Variants in CLASP2 observed in about 807,000 individuals in gnomAD.
CLASP2 encodes the protein cytoplasmic linker associated protein 2.
Under a neutral mutation model 194.4 loss-of-function variants are expected in CLASP2, and 47 were observed. That is an observed-to-expected ratio of 0.24 (90% CI 0.19 to 0.31). The LOEUF (loss-of-function observed/expected upper bound fraction) is 0.31, where lower values mean the gene tolerates loss of function less well. Among genes scored for constraint, CLASP2 ranks in the 10% least tolerant of loss-of-function variants. CLASP2 has a pLI of 1.00. For missense variants in CLASP2, 1,445 were observed against 1,823.6 expected, an observed-to-expected ratio of 0.79 and a Z score of 3.78; for synonymous variants, 619 against 633.5, an observed-to-expected ratio of 0.98 and a Z score of 0.34.
intron 21 of CLASP2, among the ~76,000 whole-genome samples, chr3:33,586,996 A>G (rs1167348657): frequency 3.3e-5 from 5 of 152,188 alleles, no homozygotes; most frequent in Admixed American, 3.3e-4. Flanking sequence ...AATAGTGGAT[A>G]GGTCTTGGGA....
intron 12 of CLASP2, among the ~76,000 whole-genome samples, chr3:33,616,161 T>C (rs2154271076): frequency 6.6e-6 from 1 of 152,108 alleles, no homozygotes; most frequent in East Asian, 1.9e-4. Context: ...TAAAAGAATG[T>C]ATAACATTCT....
intron 21 of CLASP2, among the ~76,000 whole-genome samples, chr3:33,591,821 T>A (rs530089090): frequency 1.9e-4 from 29 of 152,332 alleles, no homozygotes; most frequent in Admixed American, 8.5e-4. Flanking sequence ...GTTTCCTCAC[T>A]ATAAATTAGT....
intron 34 of CLASP2, among the ~76,000 whole-genome samples, chr3:33,533,904 A>C (rs2154132364): frequency 6.6e-6 from 1 of 152,102 alleles, no homozygotes; most frequent in Non-Finnish European, 1.5e-5. Flanking sequence ...TTTAGTAGAG[A>C]AGTTTTCACT....
In CLASP2 at chr3:33,514,761, T is replaced by C. The variant is rs1407981764; in HGVS notation, c.4110+1262A>G. ...AGCACAATTGGCAATTGCAAAAATA[T>C]GGAAATAGCCCAAATGCACATCAAT... On this transcript the variant is annotated intron_variant, in intron 36 of 38. Coordinates refer to ENST00000682230, the MANE Select transcript of CLASP2 (RefSeq NM_001365631.1). 1.2e-5 allele frequency: 3 copies of C among 243,078 alleles called. No individual in the cohort carries two copies. In the East Asian group the frequency reaches 2.7e-4, roughly 22 times the overall value. 15.1% of individuals were successfully genotyped at this position (243,078 alleles called of 1,614,324 possible). A position where few individuals can be genotyped will look rare whatever the true frequency, so the allele number is the denominator to read the frequency against.
At position 33,604,885 on chromosome 3, in the gene CLASP2, G is replaced by A. The variant is rs147115903; in HGVS notation, c.1695-676C>T. On this transcript the variant is annotated intron_variant, in intron 16 of 38. Transcript: ENST00000682230. ...GAGATATTTTACTTAGAAGAAAGGG[G>A]TAGTGTTATCACTAGCACATAGGCA... is the stretch of plus-strand genomic sequence containing the variant. Among the ~76,000 whole-genome samples, 4 of 152,244 alleles carry A rather than the reference G, an allele frequency of 2.6e-5. No homozygotes were observed. The East Asian group carries it at 5.8e-4, about 22-fold the overall frequency.
chr3:33,648,022 G>T (rs1160417488), intron 7 of CLASP2, among the ~76,000 whole-genome samples: 18 of 145,038 alleles, frequency 1.2e-4, no homozygotes, highest in Admixed American at 2.2e-4. Context: ...AACAGAGCGA[G>T]ATTCCGTCTG....
At chr3:33,592,529 AT>A in intron 20 of CLASP2, 33 bp from the exon 21 acceptor site, 1 of 1,495,754 alleles carries the variant, frequency 6.7e-7, no homozygotes. Flanking sequence ...AATTAAAAAC[AT>A]TTTTCTATAA....
intron 31 of CLASP2, 145 bp from the exon 32 acceptor site, chr3:33,543,684 G>A (rs190810451): frequency 2.0e-4 from 111 of 563,688 alleles, no homozygotes; most frequent in Admixed American, 3.6e-4. Context: ...ATGTACTTAC[G>A]TCTGGTTTCC....
chr3:33,622,010 T>C (rs1488453303), intron 11 of CLASP2, 125 bp downstream of exon 11: 4 of 678,886 alleles, frequency 5.9e-6, no homozygotes, highest in African/African-American at 1.9e-5. Flanking sequence ...TTATGTATAA[T>C]AAAAATGATT....
chr3:33,498,998 T>A (rs1445734977), intron 38 of CLASP2, among the ~76,000 whole-genome samples: 2 of 152,166 alleles, frequency 1.3e-5, no homozygotes, highest in Admixed American at 1.3e-4. Flanking sequence ...ATTGTAGGGA[T>A]CACATATAAA....
At chr3:33,656,294 A>G (rs1001303191) in intron 7 of CLASP2, among the ~76,000 whole-genome samples, 5 of 152,234 alleles carry the variant, frequency 3.3e-5, no homozygotes, top group African/African-American at 1.2e-4. Flanking sequence ...AATATATAAA[A>G]AGCAAGTATA....
intron 10 of CLASP2, among the ~76,000 whole-genome samples, chr3:33,625,131 A>G (rs192725707): frequency 3.5e-3 from 533 of 151,088 alleles, no homozygotes; most frequent in Middle Eastern, 0.014. Flanking sequence ...TAAAATAGCA[A>G]AACAATAAAA....
intron 2 of CLASP2, 80 bp downstream of exon 2, chr3:33,696,775 T>C: frequency 1.0e-6 from 1 of 972,948 alleles, no homozygotes; most frequent in Non-Finnish European, 1.6e-6. Context: ...CAGAGAACTA[T>C]TTCTGCTAAA....
intron 10 of CLASP2, among the ~76,000 whole-genome samples, chr3:33,623,053 C>T (rs2077368905): frequency 6.6e-6 from 1 of 152,144 alleles, no homozygotes; most frequent in Non-Finnish European, 1.5e-5. Context: ...AACGGATCCA[C>T]CCACCTTGGC....
rs1430930756 is a variant in CLASP2, at chr3:33,687,124, TG to T, written c.481del (p.Gln161SerfsTer3). 1.3e-6 allele frequency: 2 copies of T among 1,595,916 alleles called. No homozygotes were observed. Among genetic ancestry groups the T allele is most frequent in the Admixed American group, 3.4e-5 (2 of 58,216 alleles). ...TATCAATTTGCTGATGACTAGTGGCTGAGCCCCAAAACTAAATATAATTTGA... is the reference window on the plus strand; with the variant it reads ...TATCAATTTGCTGATGACTAGTGGCTAGCCCCAAAACTAAATATAATTTGA... ...LIETLNIFGA[Q>X]PLVISKLIPH... On this transcript the variant is annotated frameshift_variant, in exon 5 of 39. Transcript: ENST00000682230. LOFTEE classifies it high-confidence loss of function.
At chr3:33,580,737 C>T (rs1437619225) in intron 23 of CLASP2, among the ~76,000 whole-genome samples, 1 of 151,938 alleles carries the variant, frequency 6.6e-6, no homozygotes, top group Non-Finnish European at 1.5e-5. Context: ...AAAATCTGGC[C>T]AGGTGCAGTG....
At chr3:33,530,082 T>C (rs1284389368) in intron 34 of CLASP2, among the ~76,000 whole-genome samples, 1 of 141,678 alleles carries the variant, frequency 7.1e-6, no homozygotes, top group African/African-American at 2.6e-5. Flanking sequence ...GTGGAATACC[T>C]CCTGAAGGAC....
intron 1 of CLASP2, among the ~76,000 whole-genome samples, chr3:33,716,262 G>A (rs1056714804): frequency 6.6e-6 from 1 of 152,156 alleles, no homozygotes; most frequent in Non-Finnish European, 1.5e-5. Context: ...AAAATACGTA[G>A]TGAAAACAGA....
At chr3:33,708,193 C>T (rs780743744) in intron 1 of CLASP2, among the ~76,000 whole-genome samples, 12 of 152,098 alleles carry the variant, frequency 7.9e-5, no homozygotes, top group Non-Finnish European at 1.5e-4. Context: ...AAAGCATGTA[C>T]CCTTTGACCA....
Sources: allele counts gnomAD v4.1 joint callset (sites outside exome capture counted in the v4.1 genomes callset), GRCh38; gene constraint gnomAD v4.1.1; transcripts MANE v1.5; gene names NCBI Gene and HGNC (gene_info 2026-07-23, HGNC 2026-07-21).